The following B3GNT2 variants were observed in gnomAD, a reference collection of about 807,000 sequenced individuals.
B3GNT2 encodes N-acetyllactosaminide beta-1,3-N-acetylglucosaminyltransferase 2.
In B3GNT2, 12 loss-of-function variants were observed where a neutral mutation model predicts 27.6. The observed-to-expected ratio is 0.44, with a 90% confidence interval of 0.28 to 0.71. The LOEUF (loss-of-function observed/expected upper bound fraction) is 0.71, where lower values mean the gene tolerates loss of function less well. Ranked by LOEUF, B3GNT2 falls within the 30% of genes least tolerant of loss-of-function variation. The pLI is 0.17. For synonymous variants in B3GNT2, 192 were observed against 189.7 expected, an observed-to-expected ratio of 1.01 and a Z score of -0.10; for missense variants, 413 against 488.5, an observed-to-expected ratio of 0.85 and a Z score of 1.46.
rs752853707 is a variant in B3GNT2 at position 62,222,240 on chromosome 2, G to A, written c.20G>A (p.Arg7Lys). 1.9e-6 allele frequency: 3 copies of A among 1,606,942 alleles called. No homozygotes were observed. The highest frequency in any genetic ancestry group is 1.1e-5 in the South Asian group (1 of 89,858). Residue 7 changes from arginine (R) to lysine (K), a missense_variant, in exon 2 of 2, where the codon AGA becomes AAA. Arg to Lys is a conservative substitution (Grantham distance 26). Transcript: ENST00000301998. The surrounding 1 kb of genome is among the most constrained non-coding windows in gnomAD (Gnocchi z 4.2). Reference protein sequence around the residue: MSVGRRRIKLLGILMMA... With the variant: MSVGRRKIKLLGILMMA... ...TGAGAAATGAGTGTTGGACGTCGAA[G>A]AATAAAGTTGTTGGGTATCCTGATG...
intron 1 of B3GNT2, among the ~76,000 whole-genome samples, chr2:62,196,659 A>C (rs897956820): frequency 6.6e-6 from 1 of 151,926 alleles, no homozygotes; most frequent in Non-Finnish European, 1.5e-5. Context: ...GAACCTCCCA[A>C]CCCATTCCGT....
intron 1 of B3GNT2, among the ~76,000 whole-genome samples, chr2:62,197,473 G>C (rs1229264591): frequency 2.0e-5 from 3 of 152,212 alleles, no homozygotes; most frequent in Non-Finnish European, 4.4e-5. Flanking sequence ...GGGGTGGTTA[G>C]TTTGTAGAGT....
At chr2:62,197,048 ACT>A (rs1674160721) in intron 1 of B3GNT2, among the ~76,000 whole-genome samples, 1 of 143,996 alleles carries the variant, frequency 6.9e-6, no homozygotes, top group Non-Finnish European at 1.5e-5. Context: ...AATATTCCAC[ACT>A]GTTTGCGTTG....
chr2:62,215,243 C>A (rs1674550272), intron 1 of B3GNT2, among the ~76,000 whole-genome samples: 1 of 152,148 alleles, frequency 6.6e-6, no homozygotes, highest in Admixed American at 6.5e-5. Flanking sequence ...GGCTGGGAAC[C>A]AAATTCCTTA....
At chr2:62,221,413 C>G (rs1371903828) in intron 1 of B3GNT2, among the ~76,000 whole-genome samples, 2 of 152,176 alleles carry the variant, frequency 1.3e-5, no homozygotes, top group African/African-American at 4.8e-5. Context: ...CTCCTGCTTC[C>G]TAGCCCTGCA....
intron 1 of B3GNT2, among the ~76,000 whole-genome samples, chr2:62,216,386 A>C (rs980624705): frequency 1.3e-5 from 2 of 150,648 alleles, no homozygotes; most frequent in African/African-American, 2.5e-5. Flanking sequence ...AGGAGGGATC[A>C]TAGCTTCTGA....
intron 1 of B3GNT2, among the ~76,000 whole-genome samples, chr2:62,217,521 C>T (rs143368171): frequency 5.9e-4 from 90 of 152,330 alleles, no homozygotes; most frequent in African/African-American, 2.1e-3. Context: ...TAGGACGTGG[C>T]ACAGGCACAA....
chr2:62,211,880 C>G lies in B3GNT2; in HGVS notation c.-9-10332C>G, dbSNP rs368449115. Reference sequence around the variant, plus strand: ...GCCCCACTAAGGTCCTGCCTTGACCCCTGCTGTTGACTAAAGGGCTGTCAC... The same window carrying G: ...GCCCCACTAAGGTCCTGCCTTGACCGCTGCTGTTGACTAAAGGGCTGTCAC... On this transcript the variant is annotated intron_variant, in intron 1 of 1. Coordinates refer to ENST00000301998, the MANE Select transcript of B3GNT2 (RefSeq NM_006577.6). Among the ~76,000 whole-genome samples, 5 of 152,340 alleles carry G rather than the reference C, an allele frequency of 3.3e-5. No individual in the cohort carries two copies. The South Asian group carries it at 1.0e-3, about 32-fold the overall frequency.
At chr2:62,209,479 AAGTAAAAG>A (rs1299114596) in intron 1 of B3GNT2, among the ~76,000 whole-genome samples, 1 of 152,192 alleles carries the variant, frequency 6.6e-6, no homozygotes, top group African/African-American at 2.4e-5. Flanking sequence ...GTTGAAAAAC[AAGTAAAAG>A]AATGAGGTAA....
At chr2:62,212,795 G>GCTGGT (rs1674504179) in intron 1 of B3GNT2, among the ~76,000 whole-genome samples, 1 of 152,066 alleles carries the variant, frequency 6.6e-6, no homozygotes, top group African/African-American at 2.4e-5. Flanking sequence ...GTTTACTCAA[G>GCTGGT]TGTCATATTT....
rs1186928207 is a variant in B3GNT2, at chr2:62,222,553, C to G, written c.333C>G (p.Asn111Lys). 6.2e-7 allele frequency: 1 copy of G among 1,614,052 alleles called. No homozygotes were observed. Among genetic ancestry groups the G allele is most frequent in the Non-Finnish European group, 8.5e-7 (1 of 1,180,036 alleles). ...CGTCGGTGGTTACGGGTTTTAACAA[C>G]TTGCCGGACAGATTTAAAGACTTTC... ...RVTSVVTGFN[N>K]LPDRFKDFLL... The change falls in exon 2 of 2, where the codon AAC (asparagine) becomes AAG (lysine). Residue 111 changes from asparagine to lysine, a missense_variant. By Grantham distance (94) the Asn-to-Lys change is moderately conservative (BLOSUM62 0). Coordinates refer to ENST00000301998, the MANE Select transcript of B3GNT2 (RefSeq NM_006577.6). This position sits in a 1 kb window ranked among gnomAD's most constrained non-coding sequence, Gnocchi z 4.2.
chr2:62,219,660 C>G (rs868228957), intron 1 of B3GNT2, among the ~76,000 whole-genome samples: 5 of 152,152 alleles, frequency 3.3e-5, no homozygotes, highest in South Asian at 2.1e-4. Context: ...TAGGAAGGGC[C>G]TGAGACCTAG....
chr2:62,205,153 G>A (rs1223683116), intron 1 of B3GNT2, among the ~76,000 whole-genome samples: 1 of 152,212 alleles, frequency 6.6e-6, no homozygotes, highest in South Asian at 2.1e-4. Flanking sequence ...GGTATATGAA[G>A]GGAACGTGCA....
chr2:62,223,190 G>T lies in B3GNT2; in HGVS notation c.970G>T (p.Asp324Tyr). The T allele has an allele frequency of 6.2e-7, 1 of 1,614,164 alleles. No homozygotes were observed. Among genetic ancestry groups the T allele is most frequent in the Non-Finnish European group, 8.5e-7 (1 of 1,180,036 alleles). ...GGCCCTGAGGCTGTACCATATCACTGACCAGGTCCATCTCTACCCCATTGA... is the reference window on the plus strand; with the variant it reads ...GGCCCTGAGGCTGTACCATATCACTTACCAGGTCCATCTCTACCCCATTGA... The part of the protein sequence containing the change: ...HLALRLYHIT[D>Y]QVHLYPIDDV... The change falls in exon 2 of 2, where the codon GAC (aspartate) becomes TAC (tyrosine). Residue 324 changes from aspartate to tyrosine, a missense_variant. Physicochemically the swap from Asp to Tyr is radical, Grantham distance 160. Transcript: ENST00000301998.
intron 1 of B3GNT2, among the ~76,000 whole-genome samples, chr2:62,197,206 G>A (rs888521670): frequency 5.9e-5 from 9 of 152,174 alleles, no homozygotes; most frequent in African/African-American, 2.2e-4. Context: ...TGCCGGGGCT[G>A]CGGGCGCGGG....
Position 62,223,166 on chromosome 2 carries a change from G to T in B3GNT2, c.946G>T (p.Ala316Ser), listed in dbSNP as rs367822115. ...GGGFLYSGHL[A>S]LRLYHITDQV... ...GGGGTTCCTCTACTCCGGCCACCTG[G>T]CCCTGAGGCTGTACCATATCACTGA... Residue 316 changes from alanine (A) to serine (S), a missense_variant, in exon 2 of 2, where the codon GCC becomes TCC. By Grantham distance (99) the Ala-to-Ser change is moderately conservative. Coordinates refer to ENST00000301998, the MANE Select transcript of B3GNT2 (RefSeq NM_006577.6). 1.1e-5 allele frequency: 18 copies of T among 1,614,140 alleles called. No individual in the cohort carries two copies. In the African/African-American group the frequency reaches 2.4e-4, roughly 22 times the overall value.
In B3GNT2 at chr2:62,223,348, T is replaced by C. The variant is rs1468023492; in HGVS notation, c.1128T>C (p.His376=). The part of the protein sequence containing the change: ...ICSYVDLMLV[H]SRKPQEMIDI... ...CCTATGTAGATCTGATGTTAGTACA[T>C]AGTAGAAAACCTCAAGAGATGATTG... The change falls in exon 2 of 2, where the codon CAT becomes CAC. Residue 376 remains histidine, a synonymous_variant. Coordinates refer to ENST00000301998, the MANE Select transcript of B3GNT2 (RefSeq NM_006577.6). The C allele has an allele frequency of 1.2e-6, 2 of 1,614,138 alleles. No individual in the cohort carries two copies. Among genetic ancestry groups the C allele is most frequent in the Admixed American group, 1.7e-5 (1 of 60,006 alleles).
chr2:62,198,350 C>G (rs1404343365), intron 1 of B3GNT2, among the ~76,000 whole-genome samples: 1 of 152,170 alleles, frequency 6.6e-6, no homozygotes, highest in Non-Finnish European at 1.5e-5. Flanking sequence ...TTTCTGAGGA[C>G]AAATAGGATG....
intron 1 of B3GNT2, among the ~76,000 whole-genome samples, chr2:62,197,767 C>T (rs939218981): frequency 2.0e-5 from 3 of 152,228 alleles, no homozygotes; most frequent in Non-Finnish European, 4.4e-5. Context: ...GAGCCAGTCC[C>T]GGGGCTCCGG....
Sources: gnomAD v4.1 joint callset for allele counts (sites outside exome capture counted in the v4.1 genomes callset) on GRCh38, gnomAD v4.1.1 for gene constraint, Gnocchi (gnomAD v3.1) non-coding constraint, MANE v1.5 for transcripts, NCBI Gene and HGNC (gene_info 2026-07-23, HGNC 2026-07-21) for gene names.